Variants in SPAG17 observed in about 807,000 individuals in gnomAD.
The protein encoded by SPAG17 is sperm-associated antigen 17.
In SPAG17, 169 loss-of-function variants were observed where a neutral mutation model predicts 273.6. The observed-to-expected ratio is 0.62, with a 90% confidence interval of 0.55 to 0.70. The LOEUF (loss-of-function observed/expected upper bound fraction) is 0.70, where lower values mean the gene tolerates loss of function less well. SPAG17 is among the 30% of genes least tolerant of loss of function. SPAG17 has a pLI of 0.00. For synonymous variants in SPAG17, 825 were observed against 873.2 expected (o/e 0.94, Z 0.97); for missense variants, 2,557 against 2,627.8 (o/e 0.97, Z 0.59).
At position 117,953,901 on chromosome 1, in the gene SPAG17, T is replaced by C. The variant is rs1571024732; in HGVS notation, c.*149A>G. The C allele has an allele frequency of 5.6e-6, 5 of 894,496 alleles. No individual in the cohort carries two copies. The East Asian group carries it at 1.2e-4, about 22-fold the overall frequency. The allele number at this position is 894,496 out of a possible 1,614,324, so 55.4% of individuals were successfully genotyped here. A position where few individuals can be genotyped will look rare whatever the true frequency, so the allele number is the denominator to read the frequency against. Reference sequence around the variant, plus strand: ...TATTCGCACGTCTTTATTAAACAGATTGAAGCTATTTCATTTGGCAAATTT... The same window carrying C: ...TATTCGCACGTCTTTATTAAACAGACTGAAGCTATTTCATTTGGCAAATTT... On this transcript the variant is annotated 3_prime_UTR_variant, in exon 49 of 49. Coordinates refer to ENST00000336338, the MANE Select transcript of SPAG17 (RefSeq NM_206996.4).
At position 117,995,754 on chromosome 1, in the gene SPAG17, T is replaced by A. The variant is rs537687196; in HGVS notation, c.5053+616A>T. 2.0e-5 allele frequency among the ~76,000 whole-genome samples: 3 copies of A among 148,218 alleles called. No individual in the cohort carries two copies. The South Asian group carries it at 6.5e-4, about 32-fold the overall frequency. ...CACACACAAACCTAGGCACAGCACA[T>A]AGGTTTTGTACACAGATAATATGTA... On this transcript the variant is annotated intron_variant, in intron 34 of 48. Coordinates refer to ENST00000336338, the MANE Select transcript of SPAG17 (RefSeq NM_206996.4).
chr1:118,152,353 T>C (rs1208070249), intron 1 of SPAG17, among the ~76,000 whole-genome samples: 1 of 152,140 alleles, frequency 6.6e-6, no homozygotes, highest in Non-Finnish European at 1.5e-5. Flanking sequence ...ACCAAAACAA[T>C]GTCTAAGATT....
intron 5 of SPAG17, among the ~76,000 whole-genome samples, chr1:118,100,163 C>T (rs1246794794): frequency 6.6e-6 from 1 of 152,096 alleles, no homozygotes; most frequent in African/African-American, 2.4e-5. Flanking sequence ...GGCTTTACTC[C>T]TGAATTAGAA....
intron 3 of SPAG17, among the ~76,000 whole-genome samples, chr1:118,125,230 C>CATATATAT (rs564502550): frequency 5.6e-4 from 79 of 141,316 alleles, no homozygotes; most frequent in African/African-American, 2.1e-3. Context: ...TTATTGTATT[C>CATATATAT]ATATATATAT....
chr1:118,168,636 T>A (rs1660282893), intron 1 of SPAG17, among the ~76,000 whole-genome samples: 1 of 152,204 alleles, frequency 6.6e-6, no homozygotes, highest in African/African-American at 2.4e-5. Flanking sequence ...TCCCAGGCAT[T>A]AGCAGTGCTG....
intron 44 of SPAG17, 74 bp from the exon 45 acceptor site, chr1:117,972,121 C>G: frequency 7.8e-7 from 1 of 1,284,414 alleles, no homozygotes; most frequent in Non-Finnish European, 1.1e-6. Context: ...AAGTCCCTGT[C>G]ACCAGAGGAA....
At chr1:118,036,321 A>G (rs1344157303) in intron 24 of SPAG17, among the ~76,000 whole-genome samples, 1 of 152,196 alleles carries the variant, frequency 6.6e-6, no homozygotes, top group Non-Finnish European at 1.5e-5. Context: ...GAACCGTTCT[A>G]TAATAACAGG....
chr1:118,003,724 T>G (rs930122045), intron 32 of SPAG17, among the ~76,000 whole-genome samples: 1 of 152,216 alleles, frequency 6.6e-6, no homozygotes, highest in African/African-American at 2.4e-5. Flanking sequence ...CTAAGCTTTT[T>G]TCAAGGTTTT....
In SPAG17 at chr1:117,996,359, G is replaced by C; in HGVS notation, c.5053+11C>G. On this transcript the variant is annotated intron_variant, in intron 34 of 48. Coordinates refer to ENST00000336338, the MANE Select transcript of SPAG17 (RefSeq NM_206996.4). ...AGACACCGTGCATTCCAGACAGTAT[G>C]GGTCCTCTACCTGGCTGTTCCTGCA... The C allele has an allele frequency of 1.9e-6, 3 of 1,609,040 alleles. No individual in the cohort carries two copies. The highest frequency in any genetic ancestry group is 1.1e-5 in the South Asian group (1 of 90,396).
rs189914546 is a variant in SPAG17 at position 117,966,859 on chromosome 1, C to A, written c.6388-106G>T. 168 of 984,296 alleles carry A rather than the reference C, an allele frequency of 1.7e-4. No individual in the cohort carries two copies. In the African/African-American group the frequency reaches 2.5e-3, roughly 15 times the overall value. The allele number at this position is 984,296 out of a possible 1,614,324, so 61.0% of individuals were successfully genotyped here. A position where few individuals can be genotyped will look rare whatever the true frequency, so the allele number is the denominator to read the frequency against. On this transcript the variant is annotated intron_variant, in intron 46 of 48. Coordinates refer to ENST00000336338, the MANE Select transcript of SPAG17 (RefSeq NM_206996.4). ...ACTTAAACTCTCTTACCTTTGGTTTCTTCATCTATAAATTTGGCACTAACA... is the reference window on the plus strand; with the variant it reads ...ACTTAAACTCTCTTACCTTTGGTTTATTCATCTATAAATTTGGCACTAACA...
intron 1 of SPAG17, among the ~76,000 whole-genome samples, chr1:118,168,255 A>G (rs1344885325): frequency 2.0e-5 from 3 of 152,186 alleles, no homozygotes; most frequent in African/African-American, 7.2e-5. Context: ...ACATCATTCA[A>G]TGAGAAGGTG....
chr1:117,978,396 C>T (rs1199330180), intron 43 of SPAG17, among the ~76,000 whole-genome samples: 1 of 152,166 alleles, frequency 6.6e-6, no homozygotes. Context: ...CAAGTTTTTC[C>T]CCAGATGCCA....
At chr1:118,020,310 T>C (rs1344992676) in intron 28 of SPAG17, among the ~76,000 whole-genome samples, 1 of 152,084 alleles carries the variant, frequency 6.6e-6, no homozygotes, top group Non-Finnish European at 1.5e-5. Context: ...GGCACGTGCC[T>C]GTAATCCCAG....
In SPAG17 at chr1:117,966,698, C is replaced by G. The variant is rs770909969; in HGVS notation, c.6443G>C (p.Gly2148Ala). The change falls in exon 47 of 49, where the codon GGA becomes GCA. Residue 2148 changes from glycine (G) to alanine (A), a missense_variant. Coordinates refer to ENST00000336338, the MANE Select transcript of SPAG17 (RefSeq NM_206996.4). ...TGCTGATCCCTTGGCCCCATCCTCT[C>G]CAACAGCTGTGGCAAATAACTCTAT... The part of the protein sequence containing the change: ...LNIELFATAV[G>A]EDGAKGSAHI... 1 of 1,614,062 alleles carries G rather than the reference C, an allele frequency of 6.2e-7. No individual in the cohort carries two copies. The highest frequency in any genetic ancestry group is 1.1e-5 in the South Asian group (1 of 91,066).
rs78816073 is a variant in SPAG17 at position 118,107,620 on chromosome 1, G to A, written c.448-5694C>T. ...AGAAATCCTCCTACCTCAGACTCCC[G>A]AGTAGCTGGGACAACAGCTGCATGC... On this transcript the variant is annotated intron_variant, in intron 4 of 48. Coordinates refer to ENST00000336338, the MANE Select transcript of SPAG17 (RefSeq NM_206996.4). Among the ~76,000 whole-genome samples, 424 of 152,086 alleles carry A rather than the reference G, an allele frequency of 2.8e-3. 1 individual carries two copies. Among genetic ancestry groups the A allele is most frequent in the Non-Finnish European group, 3.7e-3 (249 of 67,992 alleles).
At chr1:118,083,114 C>CTGG (rs1654717425) in intron 13 of SPAG17, among the ~76,000 whole-genome samples, 1 of 152,166 alleles carries the variant, frequency 6.6e-6, no homozygotes, top group African/African-American at 2.4e-5. Flanking sequence ...CGTGCCACCA[C>CTGG]ACCCGGCTAA....
chr1:118,066,499 C>G (rs531528893), intron 18 of SPAG17, among the ~76,000 whole-genome samples: 2 of 152,306 alleles, frequency 1.3e-5, no homozygotes, highest in African/African-American at 4.8e-5. Context: ...AACATCCTCA[C>G]TAGATTCCAC....
intron 1 of SPAG17, among the ~76,000 whole-genome samples, chr1:118,153,831 C>T (rs775835637): frequency 3.3e-5 from 5 of 150,360 alleles, no homozygotes; most frequent in Admixed American, 1.3e-4. Context: ...GGTGACAAAG[C>T]GAGACTCCGT....
At chr1:118,087,159 A>G in intron 10 of SPAG17, 151 bp from the exon 11 acceptor site, 1 of 696,712 alleles carries the variant, frequency 1.4e-6, no homozygotes, top group Non-Finnish European at 2.2e-6. Context: ...GGAAACTATC[A>G]GTGATCACCA....
Sources: gnomAD v4.1 joint callset for allele counts (sites outside exome capture counted in the v4.1 genomes callset) on GRCh38, gnomAD v4.1.1 for gene constraint, MANE v1.5 for transcripts, NCBI Gene and HGNC (gene_info 2026-07-23, HGNC 2026-07-21) for gene names.